The following CPPED1 variants were observed in gnomAD, a reference collection of about 807,000 sequenced individuals.
The protein encoded by CPPED1 is serine/threonine-protein phosphatase CPPED1.
In CPPED1, 28 loss-of-function variants were observed where a neutral mutation model predicts 28.0. That is an observed-to-expected ratio of 1.00 (90% confidence interval 0.74 to 1.37). The LOEUF is 1.37. Among genes scored for constraint, CPPED1 ranks in the 40% most tolerant of loss-of-function variants. The pLI, the probability that CPPED1 is intolerant of heterozygous loss-of-function variation, is 0.00. For missense variants in CPPED1, 504 were observed against 416.5 expected (o/e 1.21, Z -1.83); for synonymous variants, 198 against 180.2 (o/e 1.10, Z -0.79).
chr16:12,739,749 G>A (rs767373075), intron 2 of CPPED1, among the ~76,000 whole-genome samples: 2 of 152,138 alleles, frequency 1.3e-5, no homozygotes, highest in Non-Finnish European at 2.9e-5. Flanking sequence ...CTAGTTAGAG[G>A]TGGCCAAGTG....
intron 3 of CPPED1, among the ~76,000 whole-genome samples, chr16:12,687,367 T>C (rs2079938800): frequency 6.6e-6 from 1 of 152,214 alleles, no homozygotes; most frequent in African/African-American, 2.4e-5. Context: ...AAGTCCCCTT[T>C]AACTGCTCCC....
At chr16:12,679,921 A>C (rs904481601) in intron 3 of CPPED1, among the ~76,000 whole-genome samples, 1 of 152,212 alleles carries the variant, frequency 6.6e-6, no homozygotes, top group Non-Finnish European at 1.5e-5. Context: ...CAAATAACCG[A>C]GAAAGATTAG....
rs376229477 is a variant in CPPED1, at chr16:12,698,698, C to T, written c.715+5926G>A. Among the ~76,000 whole-genome samples, 31 of 152,144 alleles carry T rather than the reference C, an allele frequency of 2.0e-4. No homozygotes were observed. In the East Asian group the frequency reaches 4.4e-3, roughly 22 times the overall value. On this transcript the variant is annotated intron_variant, in intron 3 of 3. Coordinates refer to ENST00000381774, the MANE Select transcript of CPPED1 (RefSeq NM_018340.3). ...CACCCACCTCGGCCTCCCAAAGTGC[C>T]GGGATTACAGGTGTGAGCCACTGCA...
intron 2 of CPPED1, among the ~76,000 whole-genome samples, chr16:12,752,051 CCA>C (rs2080333080): frequency 6.6e-6 from 1 of 152,102 alleles, no homozygotes; most frequent in Non-Finnish European, 1.5e-5. Context: ...AAAGCATTTC[CCA>C]CTCTATCCCA....
intron 3 of CPPED1, among the ~76,000 whole-genome samples, chr16:12,668,875 G>C (rs370567778): frequency 6.6e-6 from 1 of 152,362 alleles, no homozygotes; most frequent in East Asian, 1.9e-4. Context: ...TTCATACAGT[G>C]CTGGTGGGAA....
intron 2 of CPPED1, among the ~76,000 whole-genome samples, chr16:12,728,704 C>T (rs1216155596): frequency 6.6e-6 from 1 of 152,154 alleles, no homozygotes; most frequent in Non-Finnish European, 1.5e-5. Flanking sequence ...GGGGCCTCTC[C>T]TTGTGCTAAT....
intron 2 of CPPED1, among the ~76,000 whole-genome samples, chr16:12,729,468 T>A (rs2080186397): frequency 6.6e-6 from 1 of 152,234 alleles, no homozygotes. Flanking sequence ...TACCTTCAGT[T>A]TGAACTGTTT....
intron 2 of CPPED1, among the ~76,000 whole-genome samples, chr16:12,734,430 A>G (rs2080216374): frequency 6.6e-6 from 1 of 151,582 alleles, no homozygotes; most frequent in Non-Finnish European, 1.5e-5. Context: ...CCCAGGCTGG[A>G]GTGCAGTGGT....
chr16:12,731,605 C>G (rs945283403), intron 2 of CPPED1, among the ~76,000 whole-genome samples: 27 of 151,814 alleles, frequency 1.8e-4, no homozygotes, highest in African/African-American at 6.0e-4. Context: ...AAGAAACAAC[C>G]AAAAGCCACC....
chr16:12,746,330 T>C (rs944138967), intron 2 of CPPED1, among the ~76,000 whole-genome samples: 1 of 133,846 alleles, frequency 7.5e-6, no homozygotes, highest in African/African-American at 2.8e-5. Context: ...GCTGAGAGTG[T>C]ACCACTGCAC....
chr16:12,737,341 CAGGCAGAGGGAACAGTGTGT>C (rs1236174616), intron 2 of CPPED1, among the ~76,000 whole-genome samples: 1 of 152,050 alleles, frequency 6.6e-6, no homozygotes, highest in African/African-American at 2.4e-5. Context: ...GAAGGGAGAG[CAGGCAGAGGGAACAGTGTGT>C]AGGAAGAGGG....
In CPPED1 at chr16:12,747,336, G is replaced by A. The variant is rs148019761; in HGVS notation, c.289+33849C>T. Among the ~76,000 whole-genome samples the A allele has an allele frequency of 8.0e-4, 121 of 152,128 alleles. 1 individual carries two copies. Among genetic ancestry groups the A allele is most frequent in the African/African-American group, 2.9e-3 (119 of 41,520 alleles). The stretch of plus-strand genomic sequence containing the variant: ...AGTCCCAGCTACTCAGGAGGCTGAG[G>A]TAGGAGGATTGATTGAGCCTGACAG... On this transcript the variant is annotated intron_variant, in intron 2 of 3. Transcript: ENST00000381774.
At chr16:12,803,648 C>T in intron 1 of CPPED1, 59 bp downstream of exon 1, 1 of 1,354,718 alleles carries the variant, frequency 7.4e-7, no homozygotes, top group Admixed American at 3.5e-5. Context: ...CAAAAGGTTC[C>T]CCCGGCGGAA....
intron 2 of CPPED1, among the ~76,000 whole-genome samples, chr16:12,723,126 G>A (rs575547741): frequency 7.9e-5 from 12 of 152,178 alleles, no homozygotes; most frequent in South Asian, 4.1e-4. Context: ...CACACACACC[G>A]CACATGCACA....
At chr16:12,790,266 A>G (rs2080588369) in intron 1 of CPPED1, among the ~76,000 whole-genome samples, 1 of 152,146 alleles carries the variant, frequency 6.6e-6, no homozygotes, top group South Asian at 2.1e-4. Context: ...GTTTTCTTGG[A>G]TTTGTCTCTG....
intron 3 of CPPED1, among the ~76,000 whole-genome samples, chr16:12,677,436 T>A (rs2079883220): frequency 1.3e-5 from 2 of 152,214 alleles, no homozygotes; most frequent in South Asian, 4.1e-4. Flanking sequence ...GCTAGGAGTT[T>A]GAGACCAGCC....
At chr16:12,798,834 C>A (rs1271589388) in intron 1 of CPPED1, among the ~76,000 whole-genome samples, 1 of 152,136 alleles carries the variant, frequency 6.6e-6, no homozygotes, top group African/African-American at 2.4e-5. Flanking sequence ...GTCAAGAAAA[C>A]CTAATTATCA....
intron 2 of CPPED1, among the ~76,000 whole-genome samples, chr16:12,731,537 A>G (rs1316120064): frequency 6.6e-6 from 1 of 152,046 alleles, no homozygotes; most frequent in Non-Finnish European, 1.5e-5. Context: ...ACTTAGAGCG[A>G]AAGAAGCCAG....
intron 2 of CPPED1, among the ~76,000 whole-genome samples, chr16:12,759,057 G>T (rs1439055751): frequency 1.3e-5 from 2 of 151,448 alleles, no homozygotes; most frequent in African/African-American, 2.4e-5. Flanking sequence ...CAGCTACTCA[G>T]GGGGCTAGGG....
Sources: allele counts gnomAD v4.1 joint callset (sites outside exome capture counted in the v4.1 genomes callset), GRCh38; gene constraint gnomAD v4.1.1; transcripts MANE v1.5; gene names NCBI Gene and HGNC (gene_info 2026-07-23, HGNC 2026-07-21).